Variants in IKBKB observed in about 807,000 individuals in gnomAD.
IKBKB encodes the protein inhibitor of nuclear factor kappa B kinase subunit beta, also known as inhibitor of nuclear factor kappa-B kinase subunit beta.
In IKBKB, 42 loss-of-function variants were observed where a neutral mutation model predicts 113.6. The ratio of observed to expected loss-of-function variants is 0.37; its 90% confidence interval spans 0.29 to 0.48. The LOEUF (loss-of-function observed/expected upper bound fraction) is 0.48. IKBKB is among the 20% of genes least tolerant of loss of function. The probability of loss-of-function intolerance (pLI) is 0.99; values close to 1 mark genes in which losing one functional copy is unlikely to be tolerated. For synonymous variants in IKBKB, 296 were observed against 361.3 expected (o/e 0.82, Z 2.05); for missense variants, 673 against 939.7 (o/e 0.72, Z 3.71).
intron 9 of IKBKB, among the ~76,000 whole-genome samples, chr8:42,314,644 A>G (rs1818334275): frequency 6.6e-6 from 1 of 151,942 alleles, no homozygotes; most frequent in Admixed American, 6.6e-5. Context: ...GAGTGGTAGC[A>G]CGCACCTGTA....
chr8:42,301,983 A>C (rs974401490), intron 5 of IKBKB, among the ~76,000 whole-genome samples: 1 of 152,146 alleles, frequency 6.6e-6, no homozygotes, highest in African/African-American at 2.4e-5. Context: ...TTTGGAAAAA[A>C]CTAACCTACA....
rs745915396 is a variant in IKBKB, at chr8:42,318,565, G to A, written c.1254G>A (p.Lys418=). ...ESVSCILQEP[K]RNLAFFQLRK... is the part of the protein sequence containing the mutation. ...CTCTGTCTCCAGTTCAAGAGCCCAA[G>A]AGGAATCTCGCCTTCTTCCAGCTGA... is the stretch of plus-strand genomic sequence containing the variant. The change falls in exon 13 of 22, where the codon AAG becomes AAA. Residue 418 remains lysine (K), a synonymous_variant. Coordinates refer to ENST00000520810, the MANE Select transcript of IKBKB (RefSeq NM_001556.3). 4 of 1,613,968 alleles carry A rather than the reference G, an allele frequency of 2.5e-6. No homozygotes were observed. Among genetic ancestry groups the A allele is most frequent in the Non-Finnish European group, 2.5e-6 (3 of 1,179,826 alleles).
chr8:42,299,681 C>G (rs370101867), intron 5 of IKBKB, among the ~76,000 whole-genome samples: 1 of 152,154 alleles, frequency 6.6e-6, no homozygotes, highest in Admixed American at 6.5e-5. Context: ...CGCCAGCCTC[C>G]GTGCGTGATT....
At chr8:42,308,852 G>GT in intron 7 of IKBKB, 49 bp from the exon 8 acceptor site, 1 of 1,595,930 alleles carries the variant, frequency 6.3e-7, no homozygotes. Context: ...TCCTGCCGTG[G>GT]TCCCCCCAGA....
At chr8:42,280,289 C>T (rs1810086722) in intron 2 of IKBKB, among the ~76,000 whole-genome samples, 1 of 152,186 alleles carries the variant, frequency 6.6e-6, no homozygotes, top group African/African-American at 2.4e-5. Flanking sequence ...TTGTGGTTCT[C>T]CTGCCACGCG....
chr8:42,284,474 A>G (rs1290190206), intron 2 of IKBKB, among the ~76,000 whole-genome samples: 2 of 151,590 alleles, frequency 1.3e-5, no homozygotes, highest in East Asian at 2.0e-4. Context: ...CCCAGCTACT[A>G]GGGAGGCTGA....
intron 8 of IKBKB, among the ~76,000 whole-genome samples, chr8:42,310,750 C>CT (rs1817552339): frequency 6.6e-6 from 1 of 152,164 alleles, no homozygotes; most frequent in Admixed American, 6.5e-5. Flanking sequence ...AGTTGTGTGT[C>CT]TCCAGGCTCT....
rs986860032 is a variant in IKBKB, at chr8:42,314,487, A to G, written c.800+58A>G. On this transcript the variant is annotated intron_variant, in intron 9 of 21. Transcript: ENST00000520810. ...CTTTCTTGCTTTTTTTAGAAATACAAGTCTTGGCTGGCCGTGGTGGCTCAC... is the reference window on the plus strand; with the variant it reads ...CTTTCTTGCTTTTTTTAGAAATACAGGTCTTGGCTGGCCGTGGTGGCTCAC... 3.3e-6 allele frequency: 4 copies of G among 1,214,160 alleles called. No homozygotes were observed. The African/African-American group carries it at 6.0e-5, about 18-fold the overall frequency. The allele number at this position is 1,214,160 out of a possible 1,614,324, so 75.2% of individuals were successfully genotyped here. A position where few individuals can be genotyped will look rare whatever the true frequency, so the allele number is the denominator to read the frequency against.
intron 7 of IKBKB, 39 bp downstream of exon 7, chr8:42,306,471 C>T (rs1321102987): frequency 7.6e-7 from 1 of 1,322,570 alleles, no homozygotes; most frequent in Non-Finnish European, 1.1e-6. Context: ...GTCAGCTCCT[C>T]CCTGCTGCTG....
rs774003018 is a variant in IKBKB, at chr8:42,330,965, G to GAGC, written c.2260_2262dup (p.Gln754dup). On this transcript the variant is annotated inframe_insertion, in exon 22 of 22. Transcript: ENST00000520810. Reference sequence around the variant, plus strand: ...GGAAGAAGAAGAGCACAGCTGCCTGGAGCAGGCCTCATGATGTGGGGGGAC... The same window carrying GAGC: ...GGAAGAAGAAGAGCACAGCTGCCTGGAGCAGCAGGCCTCATGATGTGGGGGGAC... The GAGC allele has an allele frequency of 1.9e-5, 30 of 1,614,150 alleles. No homozygotes were observed. Among genetic ancestry groups the GAGC allele is most frequent in the Middle Eastern group, 1.7e-4 (1 of 6,060 alleles).
chr8:42,282,572 G>C (rs976437051), intron 2 of IKBKB, among the ~76,000 whole-genome samples: 1 of 152,164 alleles, frequency 6.6e-6, no homozygotes, highest in Non-Finnish European at 1.5e-5. Context: ...TACTGAGATG[G>C]CGCAGGCCTA....
Position 42,331,043 on chromosome 8 carries a change from T to C in IKBKB, c.*64T>C, listed in dbSNP as rs1821636809. 3 of 1,593,662 alleles carry C rather than the reference T, an allele frequency of 1.9e-6. No individual in the cohort carries two copies. Among genetic ancestry groups the C allele is most frequent in the East Asian group, 2.2e-5 (1 of 44,678 alleles). On this transcript the variant is annotated 3_prime_UTR_variant, in exon 22 of 22. Coordinates refer to ENST00000520810, the MANE Select transcript of IKBKB (RefSeq NM_001556.3). ...AGCAGGCCTTGTGCAGTGGGGGGAC[T>C]CGACCCCCTGACATGGGGCTGCCTG...
chr8:42,299,241 G>C (rs536564864), intron 5 of IKBKB, among the ~76,000 whole-genome samples: 13 of 152,280 alleles, frequency 8.5e-5, no homozygotes, highest in African/African-American at 2.4e-4. Flanking sequence ...CCCCGCTCCT[G>C]CTCATAGCCT....
chr8:42,317,073 A>C, intron 11 of IKBKB, 169 bp downstream of exon 11: 1 of 702,310 alleles, frequency 1.4e-6, no homozygotes. Flanking sequence ...GTGTGGCCTG[A>C]TAGGAAACAC....
At chr8:42,293,316 A>G in intron 4 of IKBKB, 127 bp from the exon 5 acceptor site, 1 of 1,138,418 alleles carries the variant, frequency 8.8e-7, no homozygotes, top group East Asian at 2.4e-5. Context: ...GCTTCCTCAA[A>G]AGCAGGTCCC....
At chr8:42,330,816 GTA>G (rs1821612438) in intron 21 of IKBKB, 96 bp from the exon 22 acceptor site, 1 of 1,592,192 alleles carries the variant, frequency 6.3e-7, no homozygotes, top group Non-Finnish European at 8.6e-7. Context: ...CTGGGTTTTA[GTA>G]TATTTCTCAA....
chr8:42,331,551 G>A lies in IKBKB; in HGVS notation c.*572G>A, dbSNP rs1393252062. 1.6e-6 allele frequency: 1 copy of A among 606,980 alleles called. No homozygotes were observed. Among genetic ancestry groups the A allele is most frequent in the Non-Finnish European group, 2.9e-6 (1 of 340,100 alleles). 37.6% of individuals were successfully genotyped at this position (606,980 alleles called of 1,614,324 possible). A position where few individuals can be genotyped will look rare whatever the true frequency, so the allele number is the denominator to read the frequency against. ...ACAGTTTAATTATAGTTGCGGCCTG[G>A]CCCCATCCTCACTTCCTCTTTTTAT... On this transcript the variant is annotated 3_prime_UTR_variant, in exon 22 of 22. Transcript: ENST00000520810.
At chr8:42,293,277 G>T (rs561069798) in intron 4 of IKBKB, among the ~76,000 whole-genome samples, 166 bp from the exon 5 acceptor site, 1 of 152,180 alleles carries the variant, frequency 6.6e-6, no homozygotes, top group East Asian at 1.9e-4. Context: ...CTCCTCCTCC[G>T]GCCAATCCCT....
intron 2 of IKBKB, among the ~76,000 whole-genome samples, chr8:42,284,851 T>C (rs1293368334): frequency 2.2e-5 from 3 of 138,310 alleles, no homozygotes; most frequent in Non-Finnish European, 4.5e-5. Context: ...GAAACGTTAT[T>C]CTTTTTTTTT....
Sources: gnomAD v4.1 joint callset for allele counts (sites outside exome capture counted in the v4.1 genomes callset) on GRCh38, gnomAD v4.1.1 for gene constraint, MANE v1.5 for transcripts, NCBI Gene and HGNC (gene_info 2026-07-23, HGNC 2026-07-21) for gene names.